DCP1A: variants seen among roughly 807,000 people sequenced by gnomAD.
DCP1A encodes decapping mRNA 1A, also known as mRNA-decapping enzyme 1A.
Under a neutral mutation model 58.0 loss-of-function variants are expected in DCP1A, and 20 were observed. The ratio of observed to expected loss-of-function variants is 0.34; its 90% CI spans 0.24 to 0.50. DCP1A has a LOEUF of 0.50. Among genes scored for constraint, DCP1A ranks in the 20% least tolerant of loss-of-function variants. The pLI, the probability that DCP1A is intolerant of heterozygous loss-of-function variation, is 0.98. For synonymous variants in DCP1A, 285 were observed against 275.1 expected (o/e 1.04, Z -0.36); for missense variants, 613 against 712.2 (o/e 0.86, Z 1.59).
intron 5 of DCP1A, among the ~76,000 whole-genome samples, chr3:53,311,587 C>T (rs1228638677): frequency 2.0e-5 from 3 of 152,192 alleles, no homozygotes; most frequent in Admixed American, 1.3e-4. Flanking sequence ...TCAGAAAAGC[C>T]TCTCATTTGG....
intron 6 of DCP1A, among the ~76,000 whole-genome samples, chr3:53,303,004 A>G (rs1405386921): frequency 1.3e-5 from 2 of 152,100 alleles, no homozygotes; most frequent in African/African-American, 4.8e-5. Context: ...GCTGGAGTGC[A>G]GTGGTGTGAT....
chr3:53,296,195 C>G (rs1483984165), intron 6 of DCP1A, among the ~76,000 whole-genome samples: 1 of 152,160 alleles, frequency 6.6e-6, no homozygotes, highest in Non-Finnish European at 1.5e-5. Flanking sequence ...GCGCCCGGCC[C>G]ACCATGTGGT....
intron 6 of DCP1A, among the ~76,000 whole-genome samples, chr3:53,299,388 T>C (rs1378892326): frequency 2.6e-5 from 4 of 152,180 alleles, no homozygotes; most frequent in East Asian, 3.8e-4. Context: ...GTAGATCAAG[T>C]GTTAGTCTGA....
At chr3:53,343,158 T>C (rs1256530100) in intron 2 of DCP1A, among the ~76,000 whole-genome samples, 1 of 152,198 alleles carries the variant, frequency 6.6e-6, no homozygotes, top group Non-Finnish European at 1.5e-5. Context: ...TTCTATAGAT[T>C]AGGAGACAAG....
Position 53,312,312 on chromosome 3 carries a change from T to C in DCP1A, c.439A>G (p.Asn147Asp), listed in dbSNP as rs1707669437. 2.5e-6 allele frequency: 4 copies of C among 1,613,484 alleles called. No homozygotes were observed. In the South Asian group the frequency reaches 3.3e-5, roughly 13 times the overall value. Residue 147 changes from asparagine (N) to aspartate (D), a missense_variant, in exon 5 of 10, where the codon AAT (asparagine) becomes GAT (aspartate). Coordinates refer to ENST00000610213, the MANE Select transcript of DCP1A (RefSeq NM_018403.7). ...ATGGGCCTGTGGTCGCTGCAGCCATTGGCCTGGCTGGGACTCTGTTTGTCC... is the reference window on the plus strand; with the variant it reads ...ATGGGCCTGTGGTCGCTGCAGCCATCGGCCTGGCTGGGACTCTGTTTGTCC... ...ARDKQSPSQANGCSDHRPIDI... is the reference protein window; with the variant it reads ...ARDKQSPSQADGCSDHRPIDI...
rs368873914 is a variant in DCP1A, at chr3:53,312,317, T to G, written c.434A>C (p.Gln145Pro). The G allele has an allele frequency of 1.2e-6, 2 of 1,613,662 alleles. No individual in the cohort carries two copies. The highest frequency in any genetic ancestry group is 2.2e-5 in the East Asian group (1 of 44,848). The stretch of plus-strand genomic sequence containing the variant: ...CCTGTGGTCGCTGCAGCCATTGGCC[T>G]GGCTGGGACTCTGTTTGTCCCGAGC... Reference protein sequence around the residue: ...QAARDKQSPSQANGCSDHRPI... With the variant: ...QAARDKQSPSPANGCSDHRPI... The change falls in exon 5 of 10, where the codon CAG (glutamine) becomes CCG (proline). Residue 145 changes from glutamine (Q) to proline (P), a missense_variant. By Grantham distance (76) the Gln-to-Pro change is moderately conservative. Around this residue, in one of 3 missense-constraint regions of DCP1A, gnomAD observed 498 missense variants for 556.7 expected, o/e 0.89. Coordinates refer to ENST00000610213, the MANE Select transcript of DCP1A (RefSeq NM_018403.7).
intron 9 of DCP1A, 71 bp from the exon 10 acceptor site, chr3:53,287,731 C>G (rs1706694961): frequency 1.8e-6 from 2 of 1,092,414 alleles, no homozygotes; most frequent in African/African-American, 3.1e-5. Flanking sequence ...TCCTTGGTAA[C>G]AGCTTAGGAA....
intron 3 of DCP1A, among the ~76,000 whole-genome samples, chr3:53,337,402 T>C (rs531010983): frequency 2.6e-5 from 4 of 152,166 alleles, no homozygotes; most frequent in Non-Finnish European, 5.9e-5. Flanking sequence ...CTTTCACTAA[T>C]GAGATCATTT....
At chr3:53,306,724 T>C (rs1335676431) in intron 5 of DCP1A, among the ~76,000 whole-genome samples, 3 of 144,252 alleles carry the variant, frequency 2.1e-5, no homozygotes, top group African/African-American at 7.9e-5. Flanking sequence ...TGAGCCGAGA[T>C]TGGGCCACTG....
intron 6 of DCP1A, among the ~76,000 whole-genome samples, chr3:53,298,647 T>C (rs1431872356): frequency 6.6e-6 from 1 of 152,220 alleles, no homozygotes; most frequent in South Asian, 2.1e-4. Flanking sequence ...TGTGCCACCA[T>C]ATGGAGATGT....
intron 3 of DCP1A, among the ~76,000 whole-genome samples, chr3:53,341,623 C>T (rs1480976140): frequency 5.9e-5 from 9 of 152,048 alleles, no homozygotes; most frequent in African/African-American, 1.7e-4. Context: ...TTTAATAAAC[C>T]GACAACAGAA....
At chr3:53,324,784 G>C (rs943237095) in intron 3 of DCP1A, among the ~76,000 whole-genome samples, 1 of 152,166 alleles carries the variant, frequency 6.6e-6, no homozygotes, top group African/African-American at 2.4e-5. Context: ...ACTTTGGGAG[G>C]CTGAGGCAGG....
intron 4 of DCP1A, among the ~76,000 whole-genome samples, chr3:53,319,005 A>G (rs1707888793): frequency 6.6e-6 from 1 of 152,238 alleles, no homozygotes; most frequent in South Asian, 2.1e-4. Flanking sequence ...CAGGTCCAAC[A>G]GTAAAGTTCT....
chr3:53,336,834 C>T (rs1225313462), intron 3 of DCP1A, among the ~76,000 whole-genome samples: 1 of 150,214 alleles, frequency 6.7e-6, no homozygotes, highest in Non-Finnish European at 1.5e-5. Flanking sequence ...TTCCTTCTAA[C>T]CCAAAGCCCA....
intron 3 of DCP1A, among the ~76,000 whole-genome samples, chr3:53,341,220 C>T (rs1417463024): frequency 9.2e-5 from 14 of 151,948 alleles, no homozygotes; most frequent in African/African-American, 2.9e-4. Context: ...TTTGGGAGGC[C>T]GAGGCAGGCA....
chr3:53,292,140 G>A lies in DCP1A; in HGVS notation c.1312C>T (p.Pro438Ser), dbSNP rs1183962216. The A allele has an allele frequency of 6.2e-7, 1 of 1,613,912 alleles. No individual in the cohort carries two copies. Among genetic ancestry groups the A allele is most frequent in the Non-Finnish European group, 8.5e-7 (1 of 1,179,880 alleles). Residue 438 changes from proline (P) to serine (S), a missense_variant, in exon 7 of 10, where the codon CCC (proline) becomes TCC (serine). Pro to Ser is a moderately conservative substitution (Grantham distance 74, BLOSUM62 -1). This residue lies in a region of DCP1A where 498 missense variants were observed against 556.7 expected (regional missense o/e 0.89). Transcript: ENST00000610213. ...ACTCTTGCTGCTGCTGTCTTAGAGG[G>A]AGGCTCTATGAAGCTCTCAGGTGTG... ...LATPESFIEPPSKTAAARVAA... is the reference protein window; with the variant it reads ...LATPESFIEPSSKTAAARVAA...
rs201448573 is a variant in DCP1A, at chr3:53,326,361, G to GT, written c.305-6889dup. Among the ~76,000 whole-genome samples, 1,518 of 152,314 alleles carry GT rather than the reference G, an allele frequency of 1.0e-2. 20 individuals are homozygous for GT. Among genetic ancestry groups the GT allele is most frequent in the African/African-American group, 0.034 (1,402 of 41,554 alleles). ...AAGTAAAACAGTGAATTGCACTAGG[G>GT]TTTTGCCTTTGCTGTTAGGATGTAT... On this transcript the variant is annotated intron_variant, in intron 3 of 9. Transcript: ENST00000610213.
In DCP1A at chr3:53,292,298, G is replaced by C. The variant is rs1351418193; in HGVS notation, c.1154C>G (p.Ala385Gly). 5 of 1,613,930 alleles carry C rather than the reference G, an allele frequency of 3.1e-6. No individual in the cohort carries two copies. In the East Asian group the frequency reaches 1.1e-4, roughly 36 times the overall value. ...ATCAACGCTTGGGAGGGATGTGCCAGCTGTGTTCGTCACGTTCAATGGGGC... is the reference window on the plus strand; with the variant it reads ...ATCAACGCTTGGGAGGGATGTGCCACCTGTGTTCGTCACGTTCAATGGGGC... ...FRAPLNVTNT[A>G]GTSLPSVDLL... Residue 385 changes from alanine to glycine, a missense_variant, in exon 7 of 10, where the codon GCT becomes GGT. Transcript: ENST00000610213.
At position 53,287,576 on chromosome 3, in the gene DCP1A, C is replaced by T. The variant is rs781880065; in HGVS notation, c.*4G>A. On this transcript the variant is annotated 3_prime_UTR_variant, in exon 10 of 10. Coordinates refer to ENST00000610213, the MANE Select transcript of DCP1A (RefSeq NM_018403.7). The stretch of plus-strand genomic sequence containing the variant: ...GCTCTGCCTTTAGACTTATTCTGCT[C>T]CAGTCATAGGTTGTGGTTGTCTTTG... 3 of 1,598,554 alleles carry T rather than the reference C, an allele frequency of 1.9e-6. No homozygotes were observed. The highest frequency in any genetic ancestry group is 1.7e-4 in the Middle Eastern group (1 of 6,040).
Sources: gnomAD v4.1 joint callset for allele counts (sites outside exome capture counted in the v4.1 genomes callset) on GRCh38, gnomAD v4.1.1 for gene constraint, gnomAD v4.1.1 regional missense constraint, MANE v1.5 for transcripts, NCBI Gene and HGNC (gene_info 2026-07-23, HGNC 2026-07-21) for gene names.